PPP1R13L: variants seen among roughly 807,000 people sequenced by gnomAD.
The protein encoded by PPP1R13L is relA-associated inhibitor.
In PPP1R13L, 50 loss-of-function variants were observed where a neutral mutation model predicts 80.9. That is an observed-to-expected ratio of 0.62 (90% CI 0.49 to 0.78). PPP1R13L has a LOEUF of 0.78. PPP1R13L is among the 30% of genes least tolerant of loss of function. The probability of loss-of-function intolerance (pLI) is 0.00; values close to 1 mark genes in which losing one functional copy is unlikely to be tolerated. For synonymous variants in PPP1R13L, 602 were observed against 534.3 expected, an observed-to-expected ratio of 1.13 and a Z score of -1.75; for missense variants, 1,200 against 1,205.9, an observed-to-expected ratio of 1.00 and a Z score of 0.07.
At chr19:45,399,167 T>G (rs1055034242) in intron 1 of PPP1R13L, among the ~76,000 whole-genome samples, 1 of 148,014 alleles carries the variant, frequency 6.8e-6, no homozygotes, top group Non-Finnish European at 1.5e-5. Flanking sequence ...ATGGTCTCGA[T>G]CTCCTGACCG....
Position 45,396,140 on chromosome 19 carries a change from C to A in PPP1R13L, c.903+28G>T. 1 of 1,574,554 alleles carries A rather than the reference C, an allele frequency of 6.4e-7. No homozygotes were observed. Among genetic ancestry groups the A allele is most frequent in the Non-Finnish European group, 8.6e-7 (1 of 1,161,758 alleles). The stretch of plus-strand genomic sequence containing the variant: ...ACCCCACTCCTCGACCTTCCCCAGC[C>A]TCTCCTCCCCAGGCGTCGCCTCCTC... On this transcript the variant is annotated intron_variant, in intron 6 of 12. Transcript: ENST00000360957. The surrounding 1 kb of genome is among the most constrained non-coding windows in gnomAD (Gnocchi z 5.3).
chr19:45,398,202 A>T, intron 2 of PPP1R13L, 55 bp from the exon 3 acceptor site: 2 of 1,612,748 alleles, frequency 1.2e-6, no homozygotes, highest in Admixed American at 3.3e-5. Context: ...GGCCGGCCTC[A>T]GCACCCCTCG....
chr19:45,402,834 C>T (rs1184914519), intron 1 of PPP1R13L, among the ~76,000 whole-genome samples: 1 of 152,226 alleles, frequency 6.6e-6, no homozygotes, highest in Admixed American at 6.5e-5. Flanking sequence ...CTCTGCACCC[C>T]AGCCAGGTTC....
At chr19:45,405,340 G>C (rs990920962), upstream of PPP1R13L, among the ~76,000 whole-genome samples, 8 of 152,184 alleles carry the variant, frequency 5.3e-5, no homozygotes, top group Admixed American at 2.0e-4. Flanking sequence ...ACTGACTCCT[G>C]AGCCCTTGCC....
At chr19:45,399,384 G>A (rs1973183811) in intron 1 of PPP1R13L, among the ~76,000 whole-genome samples, 1 of 150,544 alleles carries the variant, frequency 6.6e-6, no homozygotes, top group Admixed American at 6.7e-5. Flanking sequence ...CAGCACTTTG[G>A]GAGGCCAAGG....
At position 45,396,613 on chromosome 19, in the gene PPP1R13L, GCTGGCGCGT is replaced by G; in HGVS notation, c.635_643del (p.Asp212_Pro214del). The G allele has an allele frequency of 6.7e-7, 1 of 1,495,378 alleles. No individual in the cohort carries two copies. The highest frequency in any genetic ancestry group is 1.4e-5 in the African/African-American group (1 of 71,410). The allele number at this position is 1,495,378 out of a possible 1,614,324, so 92.6% of individuals were successfully genotyped here. A position where few individuals can be genotyped will look rare whatever the true frequency, so the allele number is the denominator to read the frequency against. On this transcript the variant is annotated inframe_deletion, in exon 4 of 13. Transcript: ENST00000360957. This position sits in a 1 kb window ranked among gnomAD's most constrained non-coding sequence, Gnocchi z 5.3. The stretch of plus-strand genomic sequence containing the variant: ...TAGCAGGGAGCTCCCGAAGGCGGAC[GCTGGCGCGT>G]CGTAGGCTGTGGCAGGGGGGCGCGG...
chr19:45,384,449 C>A (rs948347841), intron 11 of PPP1R13L, among the ~76,000 whole-genome samples: 1 of 151,006 alleles, frequency 6.6e-6, no homozygotes, highest in Non-Finnish European at 1.5e-5. Flanking sequence ...GCAGGAGAAT[C>A]GCTTTCACCG....
rs35566234 is a variant in PPP1R13L, at chr19:45,385,704, C to T, written c.2106G>A (p.Ser702=). ...HGWTPLHCAA[S]CNDTVICMAL... ...CCATGCAGATGACTGTGTCGTTGCA[C>T]GACGCCGCGCAGTGCAAGGGTGTCC... is the stretch of plus-strand genomic sequence containing the variant. The change falls in exon 11 of 13, where the codon TCG becomes TCA. Residue 702 remains serine (S), a synonymous_variant. Coordinates refer to ENST00000360957, the MANE Select transcript of PPP1R13L (RefSeq NM_006663.4). 9.8e-4 allele frequency: 1,584 copies of T among 1,611,664 alleles called. 14 individuals carry two copies. In the African/African-American group the frequency reaches 0.018, roughly 19 times the overall value.
intron 1 of PPP1R13L, among the ~76,000 whole-genome samples, chr19:45,404,442 C>T (rs1186543800): frequency 6.6e-6 from 1 of 152,168 alleles, no homozygotes; most frequent in Non-Finnish European, 1.5e-5. Flanking sequence ...GTTTTCTCTC[C>T]TACCCCGCCC....
chr19:45,385,309 C>G (rs1258503112), intron 11 of PPP1R13L, among the ~76,000 whole-genome samples: 1 of 152,206 alleles, frequency 6.6e-6, no homozygotes, highest in African/African-American at 2.4e-5. Flanking sequence ...GTGAGCAGAC[C>G]AATCTTCACA....
intron 11 of PPP1R13L, among the ~76,000 whole-genome samples, chr19:45,384,987 G>A (rs772442724): frequency 3.3e-5 from 5 of 151,508 alleles, no homozygotes; most frequent in African/African-American, 4.9e-5. Flanking sequence ...CCAACTCTCC[G>A]TGAAGTTCCT....
chr19:45,399,740 A>T (rs1396903026), intron 1 of PPP1R13L, among the ~76,000 whole-genome samples: 1 of 151,668 alleles, frequency 6.6e-6, no homozygotes, highest in Non-Finnish European at 1.5e-5. Context: ...GATCGCTTGA[A>T]GCCAGGAGAC....
rs748477095 is a variant in PPP1R13L, at chr19:45,385,875, T to G, written c.2030A>C (p.Asp677Ala). Residue 677 changes from aspartate (D) to alanine (A), a missense_variant, in exon 10 of 13, where the codon GAT becomes GCT. Asp to Ala is a moderately radical substitution (Grantham distance 126). Coordinates refer to ENST00000360957, the MANE Select transcript of PPP1R13L (RefSeq NM_006663.4). Reference sequence around the variant, plus strand: ...ATTGGCACCCGCGGTGATGAGGAAATCCACGATAGAGTAGTTGGCGCCGCA... The same window carrying G: ...ATTGGCACCCGCGGTGATGAGGAAAGCCACGATAGAGTAGTTGGCGCCGCA... ...AICGANYSIV[D>A]FLITAGANVN... 6 of 1,611,074 alleles carry G rather than the reference T, an allele frequency of 3.7e-6. No homozygotes were observed. The South Asian group carries it at 6.6e-5, about 18-fold the overall frequency.
chr19:45,399,564 A>C (rs1173140757), intron 1 of PPP1R13L, among the ~76,000 whole-genome samples: 6 of 150,278 alleles, frequency 4.0e-5, no homozygotes, highest in African/African-American at 1.2e-4. Context: ...GTGGAGCTTG[A>C]ACTGAGCGGA....
intron 11 of PPP1R13L, among the ~76,000 whole-genome samples, chr19:45,382,962 G>A (rs1383074860): frequency 6.6e-6 from 1 of 151,860 alleles, no homozygotes; most frequent in Non-Finnish European, 1.5e-5. Flanking sequence ...ACCCACTCCC[G>A]AGGCAGGGTC....
At position 45,396,977 on chromosome 19, in the gene PPP1R13L, C is replaced by T; in HGVS notation, c.280G>A (p.Asp94Asn). 1 of 1,389,656 alleles carries T rather than the reference C, an allele frequency of 7.2e-7. No individual in the cohort carries two copies. The allele number at this position is 1,389,656 out of a possible 1,614,324, so 86.1% of individuals were successfully genotyped here. A position where few individuals can be genotyped will look rare whatever the true frequency, so the allele number is the denominator to read the frequency against. ...CTCTCTGATCGTCCGAACGGGGTGT[C>T]TGCGCCGTCGGTGGCCGCCTTCCGG... ...SPRKAATDGA[D>N]TPFGRSESAP... The change falls in exon 4 of 13, where the codon GAC (aspartate) becomes AAC (asparagine). Residue 94 changes from aspartate to asparagine, a missense_variant. Physicochemically the swap from Asp to Asn is conservative, Grantham distance 23. Transcript: ENST00000360957. This position sits in a 1 kb window ranked among gnomAD's most constrained non-coding sequence, Gnocchi z 5.3.
chr19:45,405,823 G>A (rs34804538), upstream of PPP1R13L, among the ~76,000 whole-genome samples: 1,210 of 152,262 alleles, frequency 7.9e-3, 15 homozygotes, highest in African/African-American at 0.023. Context: ...GGCTCCAACC[G>A]CCGCCCAACG....
chr19:45,398,159 GGAGTGGAGGTAAGGA>G lies in PPP1R13L; in HGVS notation c.56-27_56-13del. The stretch of plus-strand genomic sequence containing the variant: ...TTTCATGGCCAGCGCTGGGAAGGTG[GGAGTGGAGGTAAGGA>G]CCTGGCCTCCTGGCAGGGGCCGGCC... On this transcript the variant is annotated splice_polypyrimidine_tract_variant and intron_variant, in intron 2 of 12. Coordinates refer to ENST00000360957, the MANE Select transcript of PPP1R13L (RefSeq NM_006663.4). 1 of 1,613,408 alleles carries G rather than the reference GGAGTGGAGGTAAGGA, an allele frequency of 6.2e-7. No individual in the cohort carries two copies. Among genetic ancestry groups the G allele is most frequent in the Non-Finnish European group, 8.5e-7 (1 of 1,179,478 alleles).
At chr19:45,402,658 G>C (rs988907604) in intron 1 of PPP1R13L, among the ~76,000 whole-genome samples, 8 of 152,218 alleles carry the variant, frequency 5.3e-5, no homozygotes, top group Non-Finnish European at 1.0e-4. Flanking sequence ...CGCGGGCCGT[G>C]TGTCTGTTCC....
Sources: gnomAD v4.1 joint callset for allele counts (sites outside exome capture counted in the v4.1 genomes callset) on GRCh38, gnomAD v4.1.1 for gene constraint, Gnocchi (gnomAD v3.1) non-coding constraint, MANE v1.5 for transcripts, NCBI Gene and HGNC (gene_info 2026-07-23, HGNC 2026-07-21) for gene names.